Variants in PLCXD3 observed in about 807,000 individuals in gnomAD.
PLCXD3 encodes the protein PI-PLC X domain-containing protein 3.
In PLCXD3, 19 loss-of-function variants were observed where a neutral mutation model predicts 25.5. The observed-to-expected ratio is 0.75, with a 90% confidence interval of 0.52 to 1.09. The LOEUF is 1.09. Ranked by LOEUF, PLCXD3 falls within the 50% of genes least tolerant of loss-of-function variation. The probability of loss-of-function intolerance (pLI) is 0.00; values close to 1 mark genes in which losing one functional copy is unlikely to be tolerated. For missense variants in PLCXD3, 411 were observed against 388.1 expected (o/e 1.06, Z -0.50); for synonymous variants, 174 against 137.6 (o/e 1.26, Z -1.85).
chr5:41,390,915 A>G (rs558296361), intron 1 of PLCXD3, among the ~76,000 whole-genome samples: 16 of 152,324 alleles, frequency 1.1e-4, no homozygotes, highest in Admixed American at 2.0e-4. Context: ...GGGAGGAAGA[A>G]CACAGCAATT....
At chr5:41,393,647 C>T (rs527565623) in intron 1 of PLCXD3, among the ~76,000 whole-genome samples, 2 of 152,116 alleles carry the variant, frequency 1.3e-5, no homozygotes, top group African/African-American at 4.8e-5. Flanking sequence ...TGGCTGGGCA[C>T]GGTGGCTCAT....
intron 1 of PLCXD3, among the ~76,000 whole-genome samples, chr5:41,506,416 C>G (rs770339522): frequency 6.6e-6 from 1 of 152,176 alleles, no homozygotes; most frequent in Non-Finnish European, 1.5e-5. Context: ...GATATTCATC[C>G]TAAACAATGT....
At chr5:41,366,022 C>T (rs1744927038) in intron 2 of PLCXD3, among the ~76,000 whole-genome samples, 1 of 151,586 alleles carries the variant, frequency 6.6e-6, no homozygotes, top group Admixed American at 6.6e-5. Context: ...ATACATGTGC[C>T]ATGTTGGTGT....
Position 41,393,771 on chromosome 5 carries a change from G to GA in PLCXD3, c.104-11238dup, listed in dbSNP as rs979388145. On this transcript the variant is annotated intron_variant, in intron 1 of 2. Transcript: ENST00000377801. ...CGTCTCTACTAAAAATACAAAAAAA[G>GA]AAAAAAAAATTAGCCGGGCATGGTG... 7.3e-5 allele frequency among the ~76,000 whole-genome samples: 11 copies of GA among 150,446 alleles called. No homozygotes were observed. The South Asian group carries it at 8.5e-4, about 12-fold the overall frequency.
intron 1 of PLCXD3, among the ~76,000 whole-genome samples, chr5:41,504,490 C>A (rs1248139732): frequency 6.6e-6 from 1 of 152,174 alleles, no homozygotes; most frequent in Admixed American, 6.5e-5. Context: ...CTCAGGGCTT[C>A]AGCAGTGATG....
chr5:41,504,164 C>A (rs1285915136), intron 1 of PLCXD3, among the ~76,000 whole-genome samples: 17 of 152,024 alleles, frequency 1.1e-4, no homozygotes, highest in Non-Finnish European at 2.4e-4. Flanking sequence ...AAATATAGAC[C>A]CTAGCTGTGT....
intron 1 of PLCXD3, among the ~76,000 whole-genome samples, chr5:41,404,784 G>A (rs552520210): frequency 2.6e-5 from 4 of 152,040 alleles, no homozygotes; most frequent in African/African-American, 7.2e-5. Context: ...CAAAATTATA[G>A]GTTTAATAAA....
At chr5:41,386,431 T>A (rs1400082085) in intron 1 of PLCXD3, among the ~76,000 whole-genome samples, 4 of 152,112 alleles carry the variant, frequency 2.6e-5, no homozygotes, top group Non-Finnish European at 4.4e-5. Context: ...GGACTTAACT[T>A]CTCATTCTGT....
At chr5:41,426,820 G>A (rs1362909913) in intron 1 of PLCXD3, among the ~76,000 whole-genome samples, 1 of 152,012 alleles carries the variant, frequency 6.6e-6, no homozygotes, top group Non-Finnish European at 1.5e-5. Flanking sequence ...GAGGATTGCT[G>A]AGTGATCAGT....
chr5:41,481,895 A>G (rs1468602982), intron 1 of PLCXD3, among the ~76,000 whole-genome samples: 1 of 152,164 alleles, frequency 6.6e-6, no homozygotes, highest in Admixed American at 6.5e-5. Context: ...ATTTGCCCCT[A>G]CCAAAATCAA....
intron 1 of PLCXD3, among the ~76,000 whole-genome samples, chr5:41,398,626 CTA>C (rs1367109928): frequency 6.6e-6 from 1 of 152,062 alleles, no homozygotes; most frequent in Admixed American, 6.5e-5. Flanking sequence ...AGAATAAAAA[CTA>C]TATGATCATT....
intron 1 of PLCXD3, among the ~76,000 whole-genome samples, chr5:41,405,022 G>T (rs1192062834): frequency 6.6e-6 from 1 of 152,080 alleles, no homozygotes; most frequent in Non-Finnish European, 1.5e-5. Flanking sequence ...ATGTTTTCTT[G>T]TCCTTGCCTG....
chr5:41,474,977 A>G (rs1162910132), intron 1 of PLCXD3, among the ~76,000 whole-genome samples: 1 of 152,212 alleles, frequency 6.6e-6, no homozygotes, highest in Non-Finnish European at 1.5e-5. Context: ...AGCTAGAGCC[A>G]AAGTCAAAGC....
intron 1 of PLCXD3, among the ~76,000 whole-genome samples, chr5:41,468,883 T>C (rs1748085853): frequency 6.6e-6 from 1 of 152,184 alleles, no homozygotes; most frequent in Non-Finnish European, 1.5e-5. Context: ...TTCTTTTGCC[T>C]AATTCTTCTG....
intron 2 of PLCXD3, among the ~76,000 whole-genome samples, chr5:41,375,462 C>A (rs1044025734): frequency 6.6e-6 from 1 of 152,106 alleles, no homozygotes; most frequent in Admixed American, 6.6e-5. Flanking sequence ...TGCTTCCAGT[C>A]AGCTCTATGT....
At chr5:41,360,432 C>T (rs1352639785) in intron 2 of PLCXD3, among the ~76,000 whole-genome samples, 7 of 151,310 alleles carry the variant, frequency 4.6e-5, no homozygotes, top group South Asian at 2.1e-4. Context: ...TAAAGAACCT[C>T]GTTTTGTCAT....
chr5:41,400,723 A>G (rs1335001276), intron 1 of PLCXD3, among the ~76,000 whole-genome samples: 3 of 152,020 alleles, frequency 2.0e-5, no homozygotes, highest in Admixed American at 1.3e-4. Context: ...GGAGGTGGAG[A>G]TGGTTAATGG....
chr5:41,384,938 G>A (rs1175011281), intron 1 of PLCXD3, among the ~76,000 whole-genome samples: 1 of 151,998 alleles, frequency 6.6e-6, no homozygotes, highest in African/African-American at 2.4e-5. Flanking sequence ...GCTTCACACT[G>A]TAAATATTAT....
intron 1 of PLCXD3, among the ~76,000 whole-genome samples, chr5:41,466,342 TA>T (rs763787523): frequency 6.6e-6 from 1 of 152,108 alleles, no homozygotes; most frequent in African/African-American, 2.4e-5. Context: ...ATATGTACTA[TA>T]AAAATGTGAG....
Sources: gnomAD v4.1 joint callset for allele counts (sites outside exome capture counted in the v4.1 genomes callset) on GRCh38, gnomAD v4.1.1 for gene constraint, MANE v1.5 for transcripts, NCBI Gene and HGNC (gene_info 2026-07-23, HGNC 2026-07-21) for gene names.